NAALADL2: variants seen among roughly 807,000 people sequenced by gnomAD.
NAALADL2 encodes the protein N-acetylated alpha-linked acidic dipeptidase like 2.
Under a neutral mutation model 87.2 loss-of-function variants are expected in NAALADL2, and 76 were observed. The ratio of observed to expected loss-of-function variants is 0.87; its 90% confidence interval spans 0.72 to 1.05. NAALADL2 has a LOEUF of 1.05. Among genes scored for constraint, NAALADL2 ranks in the 50% least tolerant of loss-of-function variants. The pLI is 0.00. For synonymous variants in NAALADL2, 354 were observed against 331.0 expected (o/e 1.07, Z -0.75); for missense variants, 1,089 against 945.8 (o/e 1.15, Z -1.99).
intron 3 of NAALADL2, among the ~76,000 whole-genome samples, chr3:174,786,013 A>G (rs150231980): frequency 5.5e-4 from 84 of 152,316 alleles, no homozygotes; most frequent in African/African-American, 1.9e-3. Context: ...TTACATGATT[A>G]GCTGTGGCAT....
At chr3:174,785,572 G>A (rs540585500) in intron 3 of NAALADL2, among the ~76,000 whole-genome samples, 1 of 152,198 alleles carries the variant, frequency 6.6e-6, no homozygotes, top group South Asian at 2.1e-4. Flanking sequence ...ATTAGGTAAT[G>A]CAATGTCTCT....
At chr3:175,707,577 A>C (rs1322345962) in intron 11 of NAALADL2, among the ~76,000 whole-genome samples, 4 of 152,110 alleles carry the variant, frequency 2.6e-5, no homozygotes, top group African/African-American at 9.7e-5. Flanking sequence ...CTTAAACATC[A>C]CATAGCAAGC....
intron 3 of NAALADL2, among the ~76,000 whole-genome samples, chr3:174,795,788 T>C (rs1454143229): frequency 3.9e-5 from 6 of 152,206 alleles, no homozygotes; most frequent in Admixed American, 1.3e-4. Flanking sequence ...TGACTGTTGA[T>C]ATTTGAGCAT....
At chr3:175,557,536 A>G (rs528501472) in intron 9 of NAALADL2, among the ~76,000 whole-genome samples, 80 of 151,914 alleles carry the variant, frequency 5.3e-4, no homozygotes, top group African/African-American at 1.9e-3. Flanking sequence ...TACCCTCCCC[A>G]CTTTCCCCCA....
At chr3:174,527,540 TC>T (rs1383800544) in intron 1 of NAALADL2, among the ~76,000 whole-genome samples, 1 of 150,092 alleles carries the variant, frequency 6.7e-6, no homozygotes, top group Admixed American at 6.7e-5. Context: ...AAAAAGAAAG[TC>T]TTTTATTTTT....
chr3:175,418,163 A>G (rs139247958), intron 5 of NAALADL2, among the ~76,000 whole-genome samples: 22 of 152,284 alleles, frequency 1.4e-4, no homozygotes, highest in Non-Finnish European at 2.8e-4. Flanking sequence ...TTTTGAGGTT[A>G]TGATTAAAAT....
intron 2 of NAALADL2, among the ~76,000 whole-genome samples, chr3:174,555,444 C>T (rs1170154736): frequency 2.6e-5 from 4 of 152,070 alleles, no homozygotes; most frequent in Non-Finnish European, 5.9e-5. Flanking sequence ...GGATTACAGG[C>T]GCCCACCACC....
At chr3:175,433,896 T>G (rs999728465) in intron 5 of NAALADL2, among the ~76,000 whole-genome samples, 2 of 152,010 alleles carry the variant, frequency 1.3e-5, no homozygotes, top group Non-Finnish European at 2.9e-5. Context: ...TTTTCAATGA[T>G]GAAATGATGA....
intron 1 of NAALADL2, among the ~76,000 whole-genome samples, chr3:174,473,318 A>T (rs1422422149): frequency 6.6e-6 from 1 of 152,142 alleles, no homozygotes; most frequent in Non-Finnish European, 1.5e-5. Context: ...AGAAAATACG[A>T]CTTTTTGCTT....
chr3:175,768,132 C>T (rs1748989187), intron 13 of NAALADL2, among the ~76,000 whole-genome samples: 1 of 152,006 alleles, frequency 6.6e-6, no homozygotes. Flanking sequence ...TGGGATTGTT[C>T]CATGTATAAT....
chr3:175,302,424 C>A (rs2110230544), intron 4 of NAALADL2, among the ~76,000 whole-genome samples: 1 of 152,264 alleles, frequency 6.6e-6, no homozygotes, highest in African/African-American at 2.4e-5. Flanking sequence ...TATGATTCAT[C>A]TGGCACTCTA....
At chr3:175,628,609 C>CTATGTGTGTATATATATA (rs10663163) in intron 11 of NAALADL2, among the ~76,000 whole-genome samples, 1 of 132,250 alleles carries the variant, frequency 7.6e-6, no homozygotes, top group African/African-American at 2.9e-5. Flanking sequence ...AATAATCTCT[C>CTATGTGTGTATATATATA]TCTCTATGTA....
At chr3:175,334,892 A>C (rs1465340988) in intron 5 of NAALADL2, among the ~76,000 whole-genome samples, 1 of 152,168 alleles carries the variant, frequency 6.6e-6, no homozygotes, top group African/African-American at 2.4e-5. Context: ...AGACTTGTTC[A>C]CTGGTAGTCC....
At chr3:174,965,548 A>G (rs1171999024) in intron 1 of NAALADL2, among the ~76,000 whole-genome samples, 2 of 152,178 alleles carry the variant, frequency 1.3e-5, no homozygotes, top group Non-Finnish European at 1.5e-5. Context: ...TGATAAGGGT[A>G]GCAGAGAGAT....
At chr3:175,507,448 G>C (rs1730503296) in intron 9 of NAALADL2, among the ~76,000 whole-genome samples, 1 of 152,070 alleles carries the variant, frequency 6.6e-6, no homozygotes, top group African/African-American at 2.4e-5. Flanking sequence ...TTGAGATGCA[G>C]TTTCACTCTT....
At chr3:175,787,849 A>G (rs554789613) in intron 13 of NAALADL2, among the ~76,000 whole-genome samples, 15 of 152,340 alleles carry the variant, frequency 9.8e-5, no homozygotes, top group Non-Finnish European at 1.8e-4. Flanking sequence ...TAAAAATTAC[A>G]AAGTTCATAA....
chr3:174,851,361 C>T (rs1242510485), intron 3 of NAALADL2, among the ~76,000 whole-genome samples: 1 of 68,200 alleles, frequency 1.5e-5, no homozygotes, highest in Non-Finnish European at 3.1e-5. Context: ...TTCAGCCAGA[C>T]TAAAAAAAAA....
At chr3:174,660,843 C>T (rs1012069812) in intron 2 of NAALADL2, among the ~76,000 whole-genome samples, 10 of 152,146 alleles carry the variant, frequency 6.6e-5, no homozygotes, top group African/African-American at 2.4e-4. Flanking sequence ...GCCACGGACC[C>T]AGAGTACCTT....
chr3:175,325,649 G>A (rs1268028132), intron 5 of NAALADL2, among the ~76,000 whole-genome samples: 1 of 152,140 alleles, frequency 6.6e-6, no homozygotes, highest in Non-Finnish European at 1.5e-5. Flanking sequence ...TTGGTAAGTT[G>A]GTAAGTTGGT....
Sources: gnomAD v4.1 joint callset for allele counts (sites outside exome capture counted in the v4.1 genomes callset) on GRCh38, gnomAD v4.1.1 for gene constraint, MANE v1.5 for transcripts, NCBI Gene and HGNC (gene_info 2026-07-23, HGNC 2026-07-21) for gene names.